The following ABCA8 variants were observed in gnomAD, a reference collection of about 807,000 sequenced individuals.
ABCA8 encodes the protein ATP binding cassette subfamily A member 8.
ABCA8 carries 177 observed loss-of-function variants against 192.3 expected under a neutral mutation model. The ratio of observed to expected loss-of-function variants is 0.92; its 90% CI spans 0.81 to 1.04. The LOEUF (loss-of-function observed/expected upper bound fraction) is 1.04, where lower values mean the gene tolerates loss of function less well. Among genes scored for constraint, ABCA8 ranks in the 50% least tolerant of loss-of-function variants. The pLI, the probability that ABCA8 is intolerant of heterozygous loss-of-function variation, is 0.00. For missense variants in ABCA8, 1,915 were observed against 1,904.8 expected, an observed-to-expected ratio of 1.01 and a Z score of -0.10; for synonymous variants, 642 against 690.2, an observed-to-expected ratio of 0.93 and a Z score of 1.09.
chr17:68,923,057 G>A (rs566028274), intron 11 of ABCA8, among the ~76,000 whole-genome samples: 23 of 152,068 alleles, frequency 1.5e-4, no homozygotes, highest in Non-Finnish European at 2.2e-4. Context: ...AATTCTAGGC[G>A]ATAAATCTGC....
At chr17:68,923,882 G>A in intron 11 of ABCA8, among the ~76,000 whole-genome samples, 1 of 152,038 alleles carries the variant, frequency 6.6e-6, no homozygotes, top group East Asian at 1.9e-4. Context: ...AGAAATAAAA[G>A]TCACCAGCAC....
chr17:68,883,303 A>G (rs1249550144), intron 29 of ABCA8, among the ~76,000 whole-genome samples: 1 of 152,192 alleles, frequency 6.6e-6, no homozygotes. Flanking sequence ...ACACAGAGGG[A>G]GCAAGATGCT....
intron 7 of ABCA8, among the ~76,000 whole-genome samples, chr17:68,931,514 T>C (rs2067877150): frequency 1.3e-5 from 2 of 152,178 alleles, no homozygotes; most frequent in African/African-American, 4.8e-5. Context: ...TTATTTACTT[T>C]TTATGTTTCT....
At chr17:68,934,693 T>A (rs1326348449) in intron 5 of ABCA8, among the ~76,000 whole-genome samples, 1 of 152,222 alleles carries the variant, frequency 6.6e-6, no homozygotes, top group Non-Finnish European at 1.5e-5. Flanking sequence ...AAGATTTCTA[T>A]GATGATGAGT....
At chr17:68,940,271 A>T (rs1026726927) in intron 4 of ABCA8, among the ~76,000 whole-genome samples, 1 of 152,202 alleles carries the variant, frequency 6.6e-6, no homozygotes, top group Non-Finnish European at 1.5e-5. Flanking sequence ...GGAATATTCA[A>T]ATAGAGCAAG....
chr17:68,885,411 C>A, intron 26 of ABCA8, 96 bp from the exon 27 acceptor site: 1 of 1,243,888 alleles, frequency 8.0e-7, no homozygotes, highest in Non-Finnish European at 1.1e-6. Flanking sequence ...ATTTCAACTC[C>A]AATCTTGCAA....
chr17:68,891,695 G>T, intron 23 of ABCA8, 99 bp from the exon 24 acceptor site: 1 of 832,342 alleles, frequency 1.2e-6, no homozygotes, highest in Non-Finnish European at 1.9e-6. Flanking sequence ...ACATAATTCT[G>T]CCTTAGGTCC....
intron 5 of ABCA8, 112 bp downstream of exon 5, chr17:68,936,839 T>C (rs2068080188): frequency 7.3e-6 from 7 of 956,130 alleles, no homozygotes; most frequent in Non-Finnish European, 8.9e-6. Context: ...CATGCATACA[T>C]CATTATGACA....
chr17:68,907,691 T>C (rs375852739), intron 18 of ABCA8, 49 bp downstream of exon 18: 3 of 1,454,948 alleles, frequency 2.1e-6, no homozygotes, highest in Non-Finnish European at 2.8e-6. Flanking sequence ...ATTATGATGA[T>C]GATGACTATT....
Position 68,933,162 on chromosome 17 carries a change from A to T in ABCA8, c.570+6T>A. 1 of 1,581,678 alleles carries T rather than the reference A, an allele frequency of 6.3e-7. No individual in the cohort carries two copies. The highest frequency in any genetic ancestry group is 8.7e-7 in the Non-Finnish European group (1 of 1,153,876). On this transcript the variant is annotated splice_donor_region_variant and intron_variant, in intron 6 of 39. Transcript: ENST00000586539. ...CATTAGTTTGCTTTGAACATTTTGT[A>T]CTCACTTCTATAATAGCAGCATTAA...
At position 68,929,543 on chromosome 17, in the gene ABCA8, T is replaced by C. The variant is rs375018927; in HGVS notation, c.939+18A>G. ...TAGGCTATAGGTGGATGGAAAGATATTTAATTCACTAACTCACCAAAGATA... is the reference window on the plus strand; with the variant it reads ...TAGGCTATAGGTGGATGGAAAGATACTTAATTCACTAACTCACCAAAGATA... On this transcript the variant is annotated intron_variant, in intron 8 of 39. Transcript: ENST00000586539. 24 of 1,606,382 alleles carry C rather than the reference T, an allele frequency of 1.5e-5. No homozygotes were observed. The highest frequency in any genetic ancestry group is 4.4e-5 in the South Asian group (4 of 89,960).
chr17:68,872,293 A>G (rs1455575656), intron 37 of ABCA8, among the ~76,000 whole-genome samples: 1 of 152,136 alleles, frequency 6.6e-6, no homozygotes, highest in East Asian at 1.9e-4. Context: ...GACATGGATG[A>G]AATTGGAAAT....
intron 7 of ABCA8, 156 bp downstream of exon 7, chr17:68,932,132 C>G (rs9894209): frequency 1.3e-5 from 7 of 546,890 alleles, no homozygotes; most frequent in Non-Finnish European, 6.4e-6. Flanking sequence ...ATGGCGTGAA[C>G]CTGTGAGGCG....
intron 21 of ABCA8, among the ~76,000 whole-genome samples, chr17:68,896,818 G>A (rs1258571468): frequency 6.6e-6 from 1 of 152,150 alleles, no homozygotes; most frequent in Non-Finnish European, 1.5e-5. Flanking sequence ...TGTATGCTGA[G>A]GTTGTTAAGA....
intron 4 of ABCA8, among the ~76,000 whole-genome samples, chr17:68,938,132 T>G (rs1370232125): frequency 6.6e-6 from 1 of 152,138 alleles, no homozygotes; most frequent in Non-Finnish European, 1.5e-5. Context: ...TCATATCACA[T>G]TATAATCTTG....
chr17:68,893,120 G>A (rs991234007), intron 23 of ABCA8, among the ~76,000 whole-genome samples: 3 of 152,166 alleles, frequency 2.0e-5, no homozygotes, highest in Admixed American at 2.0e-4. Flanking sequence ...ATGTAGATAA[G>A]TTGATGAGCC....
chr17:68,902,948 A>G, intron 20 of ABCA8, 69 bp from the exon 21 acceptor site: 1 of 1,299,576 alleles, frequency 7.7e-7, no homozygotes, highest in South Asian at 1.4e-5. Flanking sequence ...TGAGCAGTTT[A>G]TAATGTAATG....
At chr17:68,892,999 AC>A (rs1389780117) in intron 23 of ABCA8, among the ~76,000 whole-genome samples, 1 of 152,106 alleles carries the variant, frequency 6.6e-6, no homozygotes, top group Non-Finnish European at 1.5e-5. Flanking sequence ...GCAGAGCGAG[AC>A]CCTGCCTCTA....
intron 2 of ABCA8, among the ~76,000 whole-genome samples, chr17:68,942,880 G>T (rs1299983945): frequency 6.6e-6 from 1 of 151,786 alleles, no homozygotes; most frequent in Non-Finnish European, 1.5e-5. Context: ...TGTAGTTTCT[G>T]TCCCCAGATT....
Sources: allele counts gnomAD v4.1 joint callset (sites outside exome capture counted in the v4.1 genomes callset), GRCh38; gene constraint gnomAD v4.1.1; transcripts MANE v1.5; gene names NCBI Gene and HGNC (gene_info 2026-07-23, HGNC 2026-07-21).